Variants in MIA3 observed in about 807,000 individuals in gnomAD.
MIA3 encodes the protein transport and Golgi organization protein 1 homolog.
Under a neutral mutation model 192.4 loss-of-function variants are expected in MIA3, and 90 were observed. The ratio of observed to expected loss-of-function variants is 0.47; its 90% CI spans 0.39 to 0.56. The LOEUF (loss-of-function observed/expected upper bound fraction) is 0.56. Ranked by LOEUF, MIA3 falls within the 20% of genes least tolerant of loss-of-function variation. MIA3 has a pLI of 0.00. For missense variants in MIA3, 2,123 were observed against 2,269.4 expected, an observed-to-expected ratio of 0.94 and a Z score of 1.31; for synonymous variants, 740 against 792.8, an observed-to-expected ratio of 0.93 and a Z score of 1.12.
In MIA3 at chr1:222,666,597, G is replaced by A. The variant is rs1664299078; in HGVS notation, c.*978G>A. On this transcript the variant is annotated 3_prime_UTR_variant, in exon 28 of 28. Transcript: ENST00000344922. ...TTTGAGGAATATAATAAAAAGATTGGAAGAGTATAATGCCATGAGAAAGAA... is the reference window on the plus strand; with the variant it reads ...TTTGAGGAATATAATAAAAAGATTGAAAGAGTATAATGCCATGAGAAAGAA... 1 of 148,320 alleles carries A rather than the reference G, an allele frequency of 6.7e-6. No individual in the cohort carries two copies. Among genetic ancestry groups the A allele is most frequent in the Admixed American group, 6.8e-5 (1 of 14,770 alleles). The allele number at this position is 148,320 out of a possible 1,614,324, so 9.2% of individuals were successfully genotyped here. A position where few individuals can be genotyped will look rare whatever the true frequency, so the allele number is the denominator to read the frequency against.
chr1:222,660,064 A>G (rs1034575802), intron 23 of MIA3, 58 bp downstream of exon 23: 1 of 1,584,338 alleles, frequency 6.3e-7, no homozygotes, highest in East Asian at 2.2e-5. Flanking sequence ...AATGTATATA[A>G]GTGACTTTTT....
rs1441095337 is a variant in MIA3 at position 222,657,509 on chromosome 1, T to G, written c.4608-1213T>G. ...TTCCTACTGGATTTTCTTCACTGCCTTATTAGCTTTCTGATGCCTTCGAGC... is the reference window on the plus strand; with the variant it reads ...TTCCTACTGGATTTTCTTCACTGCCGTATTAGCTTTCTGATGCCTTCGAGC... On this transcript the variant is annotated intron_variant, in intron 18 of 27. Transcript: ENST00000344922. 2.4e-4 allele frequency among the ~76,000 whole-genome samples: 37 copies of G among 152,384 alleles called. 1 individual carries two copies. The highest frequency in any genetic ancestry group is 1.2e-4 in the Non-Finnish European group (8 of 68,038).
intron 1 of MIA3, among the ~76,000 whole-genome samples, chr1:222,620,047 G>C (rs772487482): frequency 1.3e-5 from 2 of 152,024 alleles, no homozygotes; most frequent in Non-Finnish European, 2.9e-5. Context: ...TCTTAAACCT[G>C]GCCTCACACT....
At chr1:222,644,201 C>A in intron 6 of MIA3, 3 of 983,464 alleles carry the variant, frequency 3.1e-6, no homozygotes, top group Non-Finnish European at 4.1e-6. Flanking sequence ...CCTATTCGCT[C>A]TTCTCTCCCG....
At position 222,662,140 on chromosome 1, in the gene MIA3, T is replaced by C. The variant is rs933596270; in HGVS notation, c.5182+16T>C. 6.2e-7 allele frequency: 1 copy of C among 1,612,930 alleles called. No homozygotes were observed. Among genetic ancestry groups the C allele is most frequent in the Non-Finnish European group, 8.5e-7 (1 of 1,179,214 alleles). ...TCTCCTTCTGGTAAGGGAGCAAGAGTGTTCAAAGAGTCTAAAACCATGCAG... is the reference window on the plus strand; with the variant it reads ...TCTCCTTCTGGTAAGGGAGCAAGAGCGTTCAAAGAGTCTAAAACCATGCAG... On this transcript the variant is annotated intron_variant, in intron 25 of 27. Transcript: ENST00000344922.
At position 222,653,339 on chromosome 1, in the gene MIA3, G is replaced by A; in HGVS notation, c.4321G>A (p.Gly1441Ser). ...TGAATTAGCAAATGGAGAAGTGGGAGGTAAGATCAGCCTCAAGGAGGATGG... is the reference window on the plus strand; with the variant it reads ...TGAATTAGCAAATGGAGAAGTGGGAAGTAAGATCAGCCTCAAGGAGGATGG... ...SDELANGEVG[G>S]DRNEKMKNQI... The change falls in exon 15 of 28, where the codon GGT becomes AGT. Residue 1441 changes from glycine to serine, a missense_variant and splice_region_variant. Physicochemically the swap from Gly to Ser is moderately conservative, Grantham distance 56 (BLOSUM62 0). This residue lies in a region of MIA3 where 762 missense variants were observed against 856.4 expected (regional missense o/e 0.89). Coordinates refer to ENST00000344922, the MANE Select transcript of MIA3 (RefSeq NM_198551.4). The A allele has an allele frequency of 6.2e-7, 1 of 1,606,632 alleles. No homozygotes were observed. Among genetic ancestry groups the A allele is most frequent in the Non-Finnish European group, 8.5e-7 (1 of 1,173,608 alleles).
At position 222,662,313 on chromosome 1, in the gene MIA3, G is replaced by A; in HGVS notation, c.5243G>A (p.Arg1748Lys). The part of the protein sequence containing the change: ...NSSSRGSSPT[R>K]VLDEGKVNMA... Reference sequence around the variant, plus strand: ...AGCTCAAGAGGCTCTTCCCCTACCAGGGTACTCGATGAAGGCAAGGTAAAT... The same window carrying A: ...AGCTCAAGAGGCTCTTCCCCTACCAAGGTACTCGATGAAGGCAAGGTAAAT... Residue 1748 changes from arginine to lysine, a missense_variant, in exon 26 of 28, where the codon AGG becomes AAG. Transcript: ENST00000344922. 6.2e-7 allele frequency: 1 copy of A among 1,614,014 alleles called. No individual in the cohort carries two copies. Among genetic ancestry groups the A allele is most frequent in the Non-Finnish European group, 8.5e-7 (1 of 1,179,898 alleles).
rs1296913550 is a variant in MIA3, at chr1:222,630,029, C to T, written c.2809C>T (p.Gln937Ter). The change falls in exon 4 of 28, where the codon CAG becomes TAG. Residue 937 changes from glutamine to a stop codon, truncating the protein, a stop_gained. Transcript: ENST00000344922. LOFTEE classifies it high-confidence loss of function. ...CTTCTTTAAAGAACAACAGTCTTTG[C>T]AGCGGTTCCAGAAGTACTTTAATGT... ...SSFFKEQQSL[Q>*]RFQKYFNVHE... 6.2e-7 allele frequency: 1 copy of T among 1,614,090 alleles called. No homozygotes were observed.
intron 4 of MIA3, among the ~76,000 whole-genome samples, chr1:222,630,730 G>A (rs527876517): frequency 3.3e-5 from 5 of 152,310 alleles, no homozygotes; most frequent in South Asian, 2.1e-4. Context: ...TTTTTCAGTC[G>A]TCAGATAACT....
chr1:222,651,850 G>A lies in MIA3; in HGVS notation c.3910-127G>A, dbSNP rs1016248805. The A allele has an allele frequency of 2.9e-5, 20 of 684,500 alleles. No individual in the cohort carries two copies. The African/African-American group carries it at 2.9e-4, about 10-fold the overall frequency. 42.4% of individuals were successfully genotyped at this position (684,500 alleles called of 1,614,324 possible). A position where few individuals can be genotyped will look rare whatever the true frequency, so the allele number is the denominator to read the frequency against. On this transcript the variant is annotated intron_variant, in intron 11 of 27. Transcript: ENST00000344922. ...TCCCGAGGGCAAAACTGAAACACCT[G>A]CTTTTACCTGAAACATAGGGGATGG...
chr1:222,648,385 C>G (rs1228793431), intron 7 of MIA3, among the ~76,000 whole-genome samples: 1 of 152,080 alleles, frequency 6.6e-6, no homozygotes, highest in Non-Finnish European at 1.5e-5. Flanking sequence ...AAGATCATAC[C>G]TTTAATTATG....
chr1:222,660,729 A>G (rs11485122), intron 24 of MIA3: 24,918 of 176,000 alleles, frequency 0.14, 3,577 homozygotes, highest in African/African-American at 0.39. Flanking sequence ...GATGAACCAC[A>G]TAGCCTAGAA....
At chr1:222,668,003 TCA>T (rs1007810622) in exon 28 of MIA3, 10 of 152,222 alleles carry the variant, frequency 6.6e-5, no homozygotes, top group African/African-American at 2.2e-4. Context: ...GTTAAGTTAA[TCA>T]CACAGTGTTC....
Position 222,655,091 on chromosome 1 carries a change from T to C in MIA3, c.4607+298T>C, listed in dbSNP as rs1663646175. The stretch of plus-strand genomic sequence containing the variant: ...GATCTGGCCATGCCTTGTCTGTGGC[T>C]CCGCCACTTGTTTCACTTTCCTTTC... On this transcript the variant is annotated intron_variant, in intron 18 of 27. Coordinates refer to ENST00000344922, the MANE Select transcript of MIA3 (RefSeq NM_198551.4). Among the ~76,000 whole-genome samples the C allele has an allele frequency of 2.0e-5, 3 of 152,276 alleles. No homozygotes were observed. In the South Asian group the frequency reaches 6.2e-4, roughly 31 times the overall value.
In MIA3 at chr1:222,659,514, G is replaced by A; in HGVS notation, c.4770+1G>A. ...GACAGAGCGGTCATTTAAAAACCAGGTAATAATTCTAGTGCCCTACTATAT... is the reference window on the plus strand; with the variant it reads ...GACAGAGCGGTCATTTAAAAACCAGATAATAATTCTAGTGCCCTACTATAT... On this transcript the variant is annotated splice_donor_variant, in intron 20 of 27. Coordinates refer to ENST00000344922, the MANE Select transcript of MIA3 (RefSeq NM_198551.4). LOFTEE classifies it high-confidence loss of function. The A allele has an allele frequency of 6.2e-7, 1 of 1,613,626 alleles. No homozygotes were observed. The highest frequency in any genetic ancestry group is 1.7e-5 in the Admixed American group (1 of 60,026).
rs146257974 is a variant in MIA3 at position 222,657,345 on chromosome 1, C to T, written c.4608-1377C>T. Among the ~76,000 whole-genome samples, 674 of 152,292 alleles carry T rather than the reference C, an allele frequency of 4.4e-3. 4 individuals are homozygous for T. The highest frequency in any genetic ancestry group is 8.8e-3 in the Admixed American group (134 of 15,306). On this transcript the variant is annotated intron_variant, in intron 18 of 27. Coordinates refer to ENST00000344922, the MANE Select transcript of MIA3 (RefSeq NM_198551.4). ...CTCATTGGCAGCCCTGAACTCCCTC[C>T]GCTTCTTGTTTCTCTCAACCCAGGG... is the stretch of plus-strand genomic sequence containing the variant.
intron 1 of MIA3, among the ~76,000 whole-genome samples, chr1:222,619,558 C>G (rs116366789): frequency 4.3e-4 from 65 of 152,332 alleles, no homozygotes; most frequent in African/African-American, 1.5e-3. Context: ...GGTACAACTG[C>G]CATGATTTTT....
At chr1:222,654,576 TTC>T in intron 17 of MIA3, 77 bp from the exon 18 acceptor site, 1 of 1,562,938 alleles carries the variant, frequency 6.4e-7, no homozygotes. Context: ...TACTTCTCAT[TTC>T]TCTCAGCACC....
intron 15 of MIA3, among the ~76,000 whole-genome samples, chr1:222,653,561 A>T (rs558143908): frequency 6.6e-6 from 1 of 152,350 alleles, no homozygotes; most frequent in Non-Finnish European, 1.5e-5. Flanking sequence ...TGAGACTAGA[A>T]GGGTGCACGG....
Sources: allele counts gnomAD v4.1 joint callset (sites outside exome capture counted in the v4.1 genomes callset), GRCh38; gene constraint gnomAD v4.1.1; regional missense constraint gnomAD v4.1.1; transcripts MANE v1.5; gene names NCBI Gene and HGNC (gene_info 2026-07-23, HGNC 2026-07-21).